NCKAP5: variants seen among roughly 807,000 people sequenced by gnomAD.
The protein encoded by NCKAP5 is nck-associated protein 5.
A neutral mutation model predicts 167.0 loss-of-function variants in NCKAP5; 92 were observed. The ratio of observed to expected loss-of-function variants is 0.55; its 90% CI spans 0.47 to 0.66. The LOEUF (loss-of-function observed/expected upper bound fraction) is 0.66, where lower values mean the gene tolerates loss of function less well. NCKAP5 is among the 30% of genes least tolerant of loss of function. The probability of loss-of-function intolerance (pLI) is 0.00; values close to 1 mark genes in which losing one functional copy is unlikely to be tolerated. For synonymous variants in NCKAP5, 891 were observed against 877.4 expected, an observed-to-expected ratio of 1.02 and a Z score of -0.27; for missense variants, 2,378 against 2,315.0, an observed-to-expected ratio of 1.03 and a Z score of -0.56.
At chr2:133,040,007 T>G (rs2079159915) in intron 6 of NCKAP5, among the ~76,000 whole-genome samples, 1 of 152,190 alleles carries the variant, frequency 6.6e-6, no homozygotes, top group Non-Finnish European at 1.5e-5. Context: ...TTGATATTAC[T>G]TTCTCCAAAC....
At chr2:133,281,947 G>A (rs1359193480) in intron 4 of NCKAP5, among the ~76,000 whole-genome samples, 2 of 152,144 alleles carry the variant, frequency 1.3e-5, no homozygotes, top group African/African-American at 4.8e-5. Context: ...TGTCACTTTT[G>A]CTAACAATTC....
At chr2:133,400,603 T>C (rs78339544) in intron 3 of NCKAP5, among the ~76,000 whole-genome samples, 2,406 of 152,214 alleles carry the variant, frequency 0.016, 65 homozygotes, top group African/African-American at 0.054. Context: ...CAAGGAAGGA[T>C]TCTTCCCTAG....
chr2:132,708,555 A>C (rs1355753004), intron 19 of NCKAP5, among the ~76,000 whole-genome samples: 1 of 152,146 alleles, frequency 6.6e-6, no homozygotes, highest in Non-Finnish European at 1.5e-5. Context: ...AGCACCAGGC[A>C]GATTCCTAAG....
At chr2:133,123,731 A>G (rs2082318489) in intron 6 of NCKAP5, 1 of 469,876 alleles carries the variant, frequency 2.1e-6, no homozygotes, top group Admixed American at 2.4e-5. Flanking sequence ...AGAGGAGAAG[A>G]GCTCTGTGCT....
chr2:133,615,402 C>T, the NCKAP5 span, among the ~76,000 whole-genome samples: 1 of 151,898 alleles, frequency 6.6e-6, no homozygotes, highest in African/African-American at 2.4e-5. Context: ...ATTCAGGAAA[C>T]TCATCTCATG....
At chr2:133,129,011 T>A (rs1307677842) in intron 6 of NCKAP5, among the ~76,000 whole-genome samples, 1 of 150,928 alleles carries the variant, frequency 6.6e-6, no homozygotes, top group Admixed American at 6.6e-5. Context: ...AAGAGTTTAT[T>A]GAATCATTAG....
At chr2:133,646,373 T>G in the NCKAP5 span, among the ~76,000 whole-genome samples, 3 of 152,080 alleles carry the variant, frequency 2.0e-5, no homozygotes, top group Admixed American at 2.0e-4. Context: ...AGGGAAACTT[T>G]TATGAGACTA....
At chr2:133,142,744 A>G (rs2083047314) in intron 5 of NCKAP5, among the ~76,000 whole-genome samples, 2 of 152,090 alleles carry the variant, frequency 1.3e-5, no homozygotes, top group South Asian at 4.1e-4. Context: ...AAAGATACCA[A>G]TTTGTCCAGG....
chr2:133,153,888 C>A lies in NCKAP5; in HGVS notation c.208-23777G>T, dbSNP rs562250202. 2.0e-4 allele frequency among the ~76,000 whole-genome samples: 26 copies of A among 132,182 alleles called. 1 individual carries two copies. In the South Asian group the frequency reaches 5.9e-3, roughly 30 times the overall value. The allele number at this position is 132,182 out of a possible 152,430, so 86.7% of individuals were successfully genotyped here. On this transcript the variant is annotated intron_variant, in intron 5 of 19. Transcript: ENST00000409261. ...TTTTGCTCTTTGGTCCAGGCTGGAG[C>A]GTAACGGCGCAATCTCAGCTCACTG...
intron 6 of NCKAP5, among the ~76,000 whole-genome samples, chr2:133,000,435 T>C (rs1211943760): frequency 6.6e-6 from 1 of 152,096 alleles, no homozygotes; most frequent in African/African-American, 2.4e-5. Context: ...CTAGAGCCAA[T>C]GGCAACAAAG....
At chr2:133,068,642 A>G (rs568865048) in intron 6 of NCKAP5, among the ~76,000 whole-genome samples, 1 of 152,224 alleles carries the variant, frequency 6.6e-6, no homozygotes, top group South Asian at 2.1e-4. Context: ...GAAAAGGGAA[A>G]ATCATTCACT....
At chr2:133,031,248 C>CCAG (rs973220941) in intron 6 of NCKAP5, among the ~76,000 whole-genome samples, 3 of 152,142 alleles carry the variant, frequency 2.0e-5, no homozygotes, top group Non-Finnish European at 4.4e-5. Context: ...TCCCCTACCC[C>CCAG]CAGCAGCAGC....
chr2:133,555,017 G>A (rs147205888), intron 2 of NCKAP5, among the ~76,000 whole-genome samples: 2,016 of 152,208 alleles, frequency 0.013, 41 homozygotes, highest in Non-Finnish European at 0.017. Context: ...CCACCTCCCT[G>A]TGGAACAACT....
intron 11 of NCKAP5, among the ~76,000 whole-genome samples, chr2:132,843,839 T>G (rs1180292933): frequency 6.6e-6 from 1 of 152,184 alleles, no homozygotes; most frequent in Non-Finnish European, 1.5e-5. Context: ...AGTTCTCCAG[T>G]GCTTTGGCCC....
chr2:133,310,987 G>T (rs1300643289), intron 3 of NCKAP5, among the ~76,000 whole-genome samples: 1 of 152,178 alleles, frequency 6.6e-6, no homozygotes, highest in Non-Finnish European at 1.5e-5. Context: ...AGATGAATGG[G>T]AATTTTTCCC....
intron 7 of NCKAP5, among the ~76,000 whole-genome samples, chr2:132,991,673 C>T (rs985916919): frequency 9.2e-5 from 14 of 152,240 alleles, no homozygotes; most frequent in African/African-American, 2.2e-4. Flanking sequence ...ACACTGCTAC[C>T]GCAGTGGAAA....
chr2:133,377,639 A>T (rs1377565969), intron 3 of NCKAP5, among the ~76,000 whole-genome samples: 1 of 152,224 alleles, frequency 6.6e-6, no homozygotes, highest in African/African-American at 2.4e-5. Context: ...ATTTCTGCCT[A>T]GTTAGGCTTC....
At chr2:133,186,889 T>G (rs1432902862) in intron 5 of NCKAP5, among the ~76,000 whole-genome samples, 1 of 152,018 alleles carries the variant, frequency 6.6e-6, no homozygotes, top group Non-Finnish European at 1.5e-5. Flanking sequence ...TTGTTTATTC[T>G]TTTGAAGAAC....
intron 3 of NCKAP5, among the ~76,000 whole-genome samples, chr2:133,343,788 C>T (rs964436152): frequency 6.6e-6 from 1 of 152,174 alleles, no homozygotes; most frequent in Non-Finnish European, 1.5e-5. Flanking sequence ...GAATTCACGT[C>T]GCCATAAGCA....
Sources: allele counts gnomAD v4.1 joint callset (sites outside exome capture counted in the v4.1 genomes callset), GRCh38; gene constraint gnomAD v4.1.1; transcripts MANE v1.5; gene names NCBI Gene and HGNC (gene_info 2026-07-23, HGNC 2026-07-21).